Variants in CLASP1 observed in about 807,000 individuals in gnomAD.
CLASP1 encodes cytoplasmic linker associated protein 1.
A neutral mutation model predicts 192.3 loss-of-function variants in CLASP1; 38 were observed. The observed-to-expected ratio is 0.20, with a 90% CI of 0.15 to 0.26. The LOEUF is 0.26. CLASP1 is among the 10% of genes least tolerant of loss of function. CLASP1 has a pLI of 1.00. For synonymous variants in CLASP1, 691 were observed against 712.8 expected (o/e 0.97, Z 0.49); for missense variants, 1,433 against 1,932.5 (o/e 0.74, Z 4.85).
intron 8 of CLASP1, among the ~76,000 whole-genome samples, chr2:121,497,078 G>A (rs750510153): frequency 3.9e-5 from 6 of 152,054 alleles, no homozygotes; most frequent in Non-Finnish European, 7.4e-5. Context: ...AGGAAGGGGA[G>A]GGGGAAGAGT....
rs112327714 is a variant in CLASP1 at position 121,582,926 on chromosome 2, C to T, written c.195+22775G>A. ...TCAGCTTCCCAAGCAGCTGGGACTA[C>T]AGGTGCCTGCCACCACACCTGGCTA... On this transcript the variant is annotated intron_variant, in intron 2 of 39. Coordinates refer to ENST00000263710, the Ensembl canonical transcript of CLASP1. Among the ~76,000 whole-genome samples, 15 of 152,110 alleles carry T rather than the reference C, an allele frequency of 9.9e-5. 1 individual carries two copies. The highest frequency in any genetic ancestry group is 3.4e-4 in the African/African-American group (14 of 41,502).
In CLASP1 at chr2:121,531,015, C is replaced by T. The variant is rs562809333; in HGVS notation, c.196-690G>A. The T allele has an allele frequency of 5.8e-4, 409 of 700,042 alleles. No homozygotes were observed. The highest frequency in any genetic ancestry group is 2.5e-3 in the South Asian group (168 of 67,498). The allele number at this position is 700,042 out of a possible 1,614,324, so 43.4% of individuals were successfully genotyped here. A position where few individuals can be genotyped will look rare whatever the true frequency, so the allele number is the denominator to read the frequency against. ...GGTGCAATTTTTGGAAAAATGAAAA[C>T]CTGTTTTCATAGACTTATCAGTTCA... On this transcript the variant is annotated intron_variant, in intron 2 of 39. Transcript: ENST00000263710.
rs888487963 is a variant in CLASP1, at chr2:121,578,121, T to C, written c.195+27580A>G. 5.3e-5 allele frequency among the ~76,000 whole-genome samples: 8 copies of C among 152,092 alleles called. No individual in the cohort carries two copies. In the East Asian group the frequency reaches 1.4e-3, roughly 26 times the overall value. ...CTAATTTTTAAATTTTTTATAGAGA[T>C]AGGGTTTCACCATGTTGCTCGGGCT... On this transcript the variant is annotated intron_variant, in intron 2 of 39. Transcript: ENST00000263710.
At chr2:121,567,123 A>C (rs1390898210) in intron 2 of CLASP1, among the ~76,000 whole-genome samples, 2 of 152,216 alleles carry the variant, frequency 1.3e-5, no homozygotes, top group Non-Finnish European at 2.9e-5. Context: ...GATGAAGGAA[A>C]ACAATTTGCC....
intron 19 of CLASP1, 87 bp from the exon 20 acceptor site, chr2:121,430,264 G>GC (rs2081158141): frequency 3.2e-6 from 3 of 947,628 alleles, no homozygotes; most frequent in Non-Finnish European, 4.8e-6. Context: ...CAAAAGAGGG[G>GC]CACTGACCAG....
At chr2:121,405,404 G>A (rs951982138) in intron 25 of CLASP1, among the ~76,000 whole-genome samples, 4 of 152,216 alleles carry the variant, frequency 2.6e-5, no homozygotes, top group Non-Finnish European at 4.4e-5. Flanking sequence ...TCACGTGGCT[G>A]CTGAGAGGAT....
At chr2:121,522,297 A>G (rs1559507048) in intron 6 of CLASP1, among the ~76,000 whole-genome samples, 1 of 152,182 alleles carries the variant, frequency 6.6e-6, no homozygotes, top group Non-Finnish European at 1.5e-5. Context: ...CATCTTATGG[A>G]TGAGGTGGGG....
chr2:121,445,148 T>C (rs2084090098), intron 19 of CLASP1, among the ~76,000 whole-genome samples: 1 of 152,194 alleles, frequency 6.6e-6, no homozygotes, highest in African/African-American at 2.4e-5. Context: ...TGTATTGAAA[T>C]TAGCTTAACA....
intron 22 of CLASP1, among the ~76,000 whole-genome samples, chr2:121,420,492 A>C (rs1209670755): frequency 3.3e-5 from 5 of 152,244 alleles, no homozygotes; most frequent in Non-Finnish European, 7.3e-5. Context: ...GCTCCATGCT[A>C]TCTCACTGGT....
At chr2:121,378,384 C>G (rs945491706) in intron 33 of CLASP1, among the ~76,000 whole-genome samples, 8 of 152,070 alleles carry the variant, frequency 5.3e-5, no homozygotes, top group African/African-American at 1.9e-4. Context: ...TTGTTGTTCA[C>G]AGAAAAGTGT....
At chr2:121,498,200 T>C (rs563996985) in intron 8 of CLASP1, among the ~76,000 whole-genome samples, 1 of 144,802 alleles carries the variant, frequency 6.9e-6, no homozygotes, top group Admixed American at 6.7e-5. Context: ...GGTAATAGTT[T>C]CTTTTTTTTT....
chr2:121,629,453 T>C (rs1422637444), intron 1 of CLASP1, among the ~76,000 whole-genome samples: 4 of 151,910 alleles, frequency 2.6e-5, no homozygotes, highest in Non-Finnish European at 5.9e-5. Flanking sequence ...TTTAAAGGTA[T>C]CTGCAATCAT....
chr2:121,366,534 A>C (rs776246499), intron 35 of CLASP1, among the ~76,000 whole-genome samples: 1 of 152,210 alleles, frequency 6.6e-6, no homozygotes, highest in Non-Finnish European at 1.5e-5. Flanking sequence ...ATCTGCCTCC[A>C]GCACAGGCCT....
intron 30 of CLASP1, among the ~76,000 whole-genome samples, chr2:121,392,251 A>C (rs2074491876): frequency 6.6e-6 from 1 of 152,354 alleles, no homozygotes; most frequent in Middle Eastern, 3.4e-3. Flanking sequence ...TAAACATATA[A>C]TTAAAATTCT....
intron 2 of CLASP1, among the ~76,000 whole-genome samples, chr2:121,600,096 G>A (rs1221729929): frequency 2.6e-5 from 4 of 152,046 alleles, no homozygotes; most frequent in African/African-American, 9.7e-5. Context: ...GAAAAAAAGG[G>A]AAGCAGGATC....
At chr2:121,400,492 G>T (rs1351981410) in intron 28 of CLASP1, among the ~76,000 whole-genome samples, 1 of 152,198 alleles carries the variant, frequency 6.6e-6, no homozygotes, top group African/African-American at 2.4e-5. Flanking sequence ...GCCAGAGAGG[G>T]AAGAGAAGGT....
intron 37 of CLASP1, among the ~76,000 whole-genome samples, chr2:121,352,666 A>C (rs960437969): frequency 6.6e-6 from 1 of 151,996 alleles, no homozygotes; most frequent in Non-Finnish European, 1.5e-5. Context: ...TTTATTTTTA[A>C]TTTTTTGAGA....
chr2:121,540,615 C>G (rs1051738768), intron 2 of CLASP1, among the ~76,000 whole-genome samples: 2 of 151,854 alleles, frequency 1.3e-5, no homozygotes, highest in Non-Finnish European at 2.9e-5. Context: ...GGTGAAACCC[C>G]GTTTCTACTA....
intron 10 of CLASP1, among the ~76,000 whole-genome samples, chr2:121,461,405 AC>A (rs2087922444): frequency 6.6e-6 from 1 of 152,196 alleles, no homozygotes; most frequent in Non-Finnish European, 1.5e-5. Flanking sequence ...TATGTGAATA[AC>A]CCTGCCTCAA....
Sources: allele counts gnomAD v4.1 joint callset (sites outside exome capture counted in the v4.1 genomes callset), GRCh38; gene constraint gnomAD v4.1.1; transcripts MANE v1.5; gene names NCBI Gene and HGNC (gene_info 2026-07-23, HGNC 2026-07-21).